Variants in TNPO1 observed in about 807,000 individuals in gnomAD.
TNPO1 encodes the protein transportin 1.
Under a neutral mutation model 119.5 loss-of-function variants are expected in TNPO1, and 8 were observed. That is an observed-to-expected ratio of 0.07 (90% CI 0.04 to 0.12). The LOEUF is 0.12. Among genes scored for constraint, TNPO1 ranks in the 10% least tolerant of loss-of-function variants. The pLI is 1.00. For missense variants in TNPO1, 576 were observed against 1,089.8 expected (o/e 0.53, Z 6.64); for synonymous variants, 362 against 363.0 (o/e 1.00, Z 0.03).
At chr5:72,848,357 C>A in intron 1 of TNPO1, 28 bp from the exon 2 acceptor site, 1 of 1,602,946 alleles carries the variant, frequency 6.2e-7, no homozygotes, top group Non-Finnish European at 8.5e-7. Context: ...GTTGCTCCGT[C>A]TCTTCCTGTG....
chr5:72,856,350 G>C (rs1561313562), intron 4 of TNPO1, among the ~76,000 whole-genome samples: 2 of 152,060 alleles, frequency 1.3e-5, no homozygotes, highest in East Asian at 3.9e-4. Context: ...TCCTGCCTCA[G>C]CCTCCCGAGT....
intron 1 of TNPO1, among the ~76,000 whole-genome samples, chr5:72,822,335 T>TC (rs397738036): frequency 2.0e-5 from 3 of 151,836 alleles, no homozygotes; most frequent in Non-Finnish European, 4.4e-5. Flanking sequence ...TTTTTTTTTT[T>TC]CTCATTATAC....
At chr5:72,900,518 G>A (rs1236538625) in intron 21 of TNPO1, among the ~76,000 whole-genome samples, 1 of 151,890 alleles carries the variant, frequency 6.6e-6, no homozygotes, top group African/African-American at 2.4e-5. Flanking sequence ...TAATGTAAAA[G>A]TTAAACATCT....
At chr5:72,893,043 A>G (rs1749180281) in intron 15 of TNPO1, 96 bp from the exon 16 acceptor site, 1 of 907,210 alleles carries the variant, frequency 1.1e-6, no homozygotes, top group Non-Finnish European at 1.7e-6. Flanking sequence ...GAGCAAGCTC[A>G]TAAATGATCA....
intron 2 of TNPO1, among the ~76,000 whole-genome samples, chr5:72,849,583 C>T (rs1043382503): frequency 3.3e-5 from 5 of 152,158 alleles, no homozygotes; most frequent in Non-Finnish European, 5.9e-5. Flanking sequence ...ACTGCATTGC[C>T]GTAATTTAAA....
chr5:72,859,853 A>G (rs1370988992), intron 4 of TNPO1, among the ~76,000 whole-genome samples: 1 of 152,226 alleles, frequency 6.6e-6, no homozygotes, highest in Middle Eastern at 3.2e-3. Flanking sequence ...TGTTATAAAT[A>G]CTGAGAAATA....
chr5:72,885,266 C>G (rs1402849782), intron 11 of TNPO1, among the ~76,000 whole-genome samples: 1 of 152,226 alleles, frequency 6.6e-6, no homozygotes, highest in Non-Finnish European at 1.5e-5. Flanking sequence ...ACATCTAGTA[C>G]TGGGACCCAA....
intron 11 of TNPO1, among the ~76,000 whole-genome samples, chr5:72,885,919 A>G (rs754299544): frequency 5.9e-5 from 9 of 152,132 alleles, no homozygotes; most frequent in Non-Finnish European, 1.3e-4. Flanking sequence ...CCTCCTTGCA[A>G]CATCATCTGA....
intron 18 of TNPO1, 51 bp downstream of exon 18, chr5:72,893,754 A>C (rs747900348): frequency 2.7e-6 from 4 of 1,494,794 alleles, no homozygotes; most frequent in Non-Finnish European, 1.8e-6. Flanking sequence ...GTTAACATTT[A>C]CATCAGCTTT....
chr5:72,905,655 G>A, intron 24 of TNPO1: 1 of 263,260 alleles, frequency 3.8e-6, no homozygotes, highest in Non-Finnish European at 7.1e-6. Flanking sequence ...AGCACTTGGG[G>A]AGGCCAAGGT....
At position 72,887,001 on chromosome 5, in the gene TNPO1, C is replaced by T. The variant is rs527482526; in HGVS notation, c.1151-69C>T. 18 of 1,291,462 alleles carry T rather than the reference C, an allele frequency of 1.4e-5. No individual in the cohort carries two copies. The East Asian group carries it at 5.4e-4, about 39-fold the overall frequency. The allele number at this position is 1,291,462 out of a possible 1,614,324, so 80.0% of individuals were successfully genotyped here. A position where few individuals can be genotyped will look rare whatever the true frequency, so the allele number is the denominator to read the frequency against. On this transcript the variant is annotated intron_variant, in intron 11 of 24. Coordinates refer to ENST00000337273, the MANE Select transcript of TNPO1 (RefSeq NM_002270.4). ...TATTAGAGATACGAATAAAATGTTACATATACAATAAATAATATATAAGTA... is the reference window on the plus strand; with the variant it reads ...TATTAGAGATACGAATAAAATGTTATATATACAATAAATAATATATAAGTA...
At chr5:72,843,723 A>C (rs1433807237) in intron 1 of TNPO1, among the ~76,000 whole-genome samples, 1 of 152,200 alleles carries the variant, frequency 6.6e-6, no homozygotes, top group African/African-American at 2.4e-5. Context: ...TAATAGCAAC[A>C]TTTCTCACAT....
chr5:72,885,170 A>AT (rs1259801391), intron 11 of TNPO1, among the ~76,000 whole-genome samples: 2 of 152,252 alleles, frequency 1.3e-5, no homozygotes, highest in Non-Finnish European at 2.9e-5. Flanking sequence ...ATAAAGTCAT[A>AT]TTTAACATTT....
Position 72,876,876 on chromosome 5 carries a change from C to T in TNPO1, c.802-352C>T, listed in dbSNP as rs371724117. 5.9e-5 allele frequency among the ~76,000 whole-genome samples: 9 copies of T among 152,022 alleles called. No individual in the cohort carries two copies. In the South Asian group the frequency reaches 6.2e-4, roughly 11 times the overall value. On this transcript the variant is annotated intron_variant, in intron 8 of 24. Transcript: ENST00000337273. ...TTGGGAGGCCGAGGTGGGCAGATCA[C>T]GAGGTCAGGAGATCGAGACCATCCT...
Position 72,866,008 on chromosome 5 carries a change from T to G in TNPO1, c.596+279T>G, listed in dbSNP as rs139236891. ...GTTAACAGGCATCTTCTAACTTCCT[T>G]TATTTAAGGCCAGGATTAGTTGTGG... is the stretch of plus-strand genomic sequence containing the variant. On this transcript the variant is annotated intron_variant, in intron 6 of 24. Transcript: ENST00000337273. Among the ~76,000 whole-genome samples the G allele has an allele frequency of 2.0e-3, 305 of 152,290 alleles. 3 individuals are homozygous for G. The highest frequency in any genetic ancestry group is 7.1e-3 in the African/African-American group (294 of 41,578).
At chr5:72,873,659 G>T (rs762860592) in intron 7 of TNPO1, among the ~76,000 whole-genome samples, 1 of 152,110 alleles carries the variant, frequency 6.6e-6, no homozygotes, top group Non-Finnish European at 1.5e-5. Flanking sequence ...GTCTAGTCTA[G>T]AGGTAGTATA....
At chr5:72,848,277 G>C in intron 1 of TNPO1, 108 bp from the exon 2 acceptor site, 2 of 1,336,212 alleles carry the variant, frequency 1.5e-6, no homozygotes, top group Non-Finnish European at 1.9e-6. Context: ...GGAGCGCTGG[G>C]GTTGTGGTGG....
chr5:72,857,784 C>G (rs1746120562), intron 4 of TNPO1, among the ~76,000 whole-genome samples: 1 of 152,178 alleles, frequency 6.6e-6, no homozygotes, highest in East Asian at 1.9e-4. Context: ...CTACAATACT[C>G]TGTGTCTTTA....
At chr5:72,860,199 G>A (rs1303068438) in intron 4 of TNPO1, among the ~76,000 whole-genome samples, 1 of 152,096 alleles carries the variant, frequency 6.6e-6, no homozygotes, top group Non-Finnish European at 1.5e-5. Context: ...GCTGTTCAGT[G>A]ATAGTCATTG....
Sources: allele counts gnomAD v4.1 joint callset (sites outside exome capture counted in the v4.1 genomes callset), GRCh38; gene constraint gnomAD v4.1.1; transcripts MANE v1.5; gene names NCBI Gene and HGNC (gene_info 2026-07-23, HGNC 2026-07-21).